The following USH2A variants were observed in gnomAD, a reference collection of about 807,000 sequenced individuals.
USH2A encodes the protein usherin, also known as Usher syndrome 2A (autosomal recessive, mild).
A neutral mutation model predicts 538.9 loss-of-function variants in USH2A; 443 were observed. That is an observed-to-expected ratio of 0.82 (90% CI 0.76 to 0.89). The LOEUF (loss-of-function observed/expected upper bound fraction) is 0.89, where lower values mean the gene tolerates loss of function less well. Ranked by LOEUF, USH2A falls within the 40% of genes least tolerant of loss-of-function variation. The probability of loss-of-function intolerance (pLI) is 0.00; values close to 1 mark genes in which losing one functional copy is unlikely to be tolerated. For synonymous variants in USH2A, 2,413 were observed against 2,273.5 expected (o/e 1.06, Z -1.75); for missense variants, 6,633 against 6,324.8 (o/e 1.05, Z -1.65).
At chr1:216,304,378 T>C (rs1028621991) in intron 9 of USH2A, among the ~76,000 whole-genome samples, 5 of 152,046 alleles carry the variant, frequency 3.3e-5, no homozygotes, top group African/African-American at 1.2e-4. Flanking sequence ...TAATGCTTTT[T>C]CAATCTGAAC....
chr1:215,847,422 A>T (rs1404024323), intron 44 of USH2A, among the ~76,000 whole-genome samples: 1 of 152,082 alleles, frequency 6.6e-6, no homozygotes, highest in Non-Finnish European at 1.5e-5. Flanking sequence ...TGAGGCTGAG[A>T]TCACTTGAGC....
chr1:216,023,459 CAAAAAAAAAAA>C, intron 32 of USH2A, among the ~76,000 whole-genome samples: 1 of 46,956 alleles, frequency 2.1e-5, no homozygotes, highest in African/African-American at 9.1e-5. Flanking sequence ...TCAAAGCAGA[CAAAAAAAAAAA>C]AAAAAAAAAA....
chr1:215,717,407 T>G (rs565939585), intron 61 of USH2A, among the ~76,000 whole-genome samples: 1 of 152,206 alleles, frequency 6.6e-6, no homozygotes, highest in African/African-American at 2.4e-5. Context: ...CTGTCAATGG[T>G]TTGTGGTTCC....
At chr1:216,372,288 C>T (rs2038728955) in intron 3 of USH2A, among the ~76,000 whole-genome samples, 1 of 152,090 alleles carries the variant, frequency 6.6e-6, no homozygotes, top group Non-Finnish European at 1.5e-5. Context: ...AACACATTTT[C>T]CCTCTGTCCA....
intron 71 of USH2A, among the ~76,000 whole-genome samples, chr1:215,628,565 G>A (rs1004818302): frequency 1.3e-5 from 2 of 152,178 alleles, no homozygotes; most frequent in African/African-American, 4.8e-5. Context: ...TTACAGGCAT[G>A]AGCCACCACG....
intron 11 of USH2A, among the ~76,000 whole-genome samples, chr1:216,261,505 A>G (rs941358195): frequency 6.6e-6 from 1 of 151,794 alleles, no homozygotes; most frequent in African/African-American, 2.4e-5. Flanking sequence ...GAAGAGAAAG[A>G]TAAGAAAATA....
intron 21 of USH2A, among the ~76,000 whole-genome samples, chr1:216,110,588 C>T (rs1170862368): frequency 1.3e-5 from 2 of 152,038 alleles, no homozygotes; most frequent in Admixed American, 6.6e-5. Flanking sequence ...TAAGGGAAAC[C>T]CATCCTATAG....
chr1:216,110,827 A>G (rs1413354767), intron 21 of USH2A, among the ~76,000 whole-genome samples: 2 of 152,194 alleles, frequency 1.3e-5, no homozygotes, highest in African/African-American at 2.4e-5. Flanking sequence ...ACAGGGCATC[A>G]ATAAATAAAT....
At chr1:215,945,023 G>A (rs1026531453) in intron 37 of USH2A, among the ~76,000 whole-genome samples, 6 of 151,968 alleles carry the variant, frequency 3.9e-5, no homozygotes, top group African/African-American at 7.2e-5. Flanking sequence ...AATGAATTAC[G>A]GAAAGGTTTA....
intron 9 of USH2A, among the ~76,000 whole-genome samples, chr1:216,313,225 G>A (rs1179053032): frequency 6.6e-6 from 1 of 152,176 alleles, no homozygotes; most frequent in Non-Finnish European, 1.5e-5. Context: ...CAGAGCTCAG[G>A]AAGTAATGAT....
intron 37 of USH2A, among the ~76,000 whole-genome samples, chr1:215,961,321 T>A (rs12140657): frequency 0.18 from 27,734 of 151,618 alleles, 3,188 homozygotes; most frequent in Non-Finnish European, 0.26. Context: ...AAAATATTAA[T>A]GAATACACAA....
intron 35 of USH2A, among the ~76,000 whole-genome samples, chr1:215,977,692 C>T (rs1571861544): frequency 6.6e-6 from 1 of 151,966 alleles, no homozygotes; most frequent in Non-Finnish European, 1.5e-5. Flanking sequence ...TTTGTGTTTT[C>T]AGTAGAGACG....
chr1:216,301,329 C>T (rs1214541880), intron 9 of USH2A, among the ~76,000 whole-genome samples: 2 of 152,104 alleles, frequency 1.3e-5, no homozygotes, highest in African/African-American at 4.8e-5. Flanking sequence ...CCTTTGGAAG[C>T]TTAAGTTCAT....
At chr1:216,121,715 T>C (rs889418271) in intron 21 of USH2A, among the ~76,000 whole-genome samples, 1 of 152,232 alleles carries the variant, frequency 6.6e-6, no homozygotes, top group South Asian at 2.1e-4. Flanking sequence ...TAATGATGTC[T>C]GTACAAAGTT....
chr1:215,999,742 G>C (rs909044892), intron 33 of USH2A, among the ~76,000 whole-genome samples: 2 of 152,136 alleles, frequency 1.3e-5, no homozygotes, highest in African/African-American at 4.8e-5. Context: ...GCACAATGAA[G>C]CCAACAGGAG....
intron 46 of USH2A, among the ~76,000 whole-genome samples, chr1:215,839,410 A>T (rs1226628707): frequency 6.6e-6 from 1 of 152,156 alleles, no homozygotes; most frequent in Non-Finnish European, 1.5e-5. Flanking sequence ...CATTTAAACA[A>T]ATTTGCAGAG....
intron 54 of USH2A, among the ~76,000 whole-genome samples, chr1:215,781,375 C>G (rs891545894): frequency 5.9e-5 from 9 of 152,180 alleles, no homozygotes. Flanking sequence ...CAACATTTTT[C>G]TCTTTTTTAA....
intron 15 of USH2A, among the ~76,000 whole-genome samples, chr1:216,213,081 A>G (rs1400728749): frequency 1.3e-5 from 2 of 152,126 alleles, no homozygotes; most frequent in South Asian, 2.1e-4. Flanking sequence ...ACAAGTCTTC[A>G]TCTCCTTGGT....
intron 38 of USH2A, among the ~76,000 whole-genome samples, chr1:215,904,620 T>C (rs929263284): frequency 3.3e-5 from 5 of 152,030 alleles, no homozygotes; most frequent in African/African-American, 9.7e-5. Context: ...ATCCATCAGC[T>C]TGATATATTG....
Sources: allele counts gnomAD v4.1 joint callset (sites outside exome capture counted in the v4.1 genomes callset), GRCh38; gene constraint gnomAD v4.1.1; transcripts MANE v1.5; gene names NCBI Gene and HGNC (gene_info 2026-07-23, HGNC 2026-07-21).